The following MED1 variants were observed in gnomAD, a reference collection of about 807,000 sequenced individuals.
The protein encoded by MED1 is mediator of RNA polymerase II transcription subunit 1.
A neutral mutation model predicts 121.3 loss-of-function variants in MED1; 17 were observed. The ratio of observed to expected loss-of-function variants is 0.14; its 90% CI spans 0.10 to 0.21. The LOEUF (loss-of-function observed/expected upper bound fraction) is 0.21. Among genes scored for constraint, MED1 ranks in the 10% least tolerant of loss-of-function variants. MED1 has a pLI of 1.00. For synonymous variants in MED1, 661 were observed against 694.4 expected, an observed-to-expected ratio of 0.95 and a Z score of 0.76; for missense variants, 1,558 against 1,919.4, an observed-to-expected ratio of 0.81 and a Z score of 3.52.
chr17:39,406,082 A>G lies in MED1; in HGVS notation c.*1393T>C, dbSNP rs1392686579. 1 of 985,392 alleles carries G rather than the reference A, an allele frequency of 1.0e-6. No homozygotes were observed. Among genetic ancestry groups the G allele is most frequent in the Non-Finnish European group, 1.2e-6 (1 of 829,922 alleles). The allele number at this position is 985,392 out of a possible 1,614,324, so 61.0% of individuals were successfully genotyped here. A position where few individuals can be genotyped will look rare whatever the true frequency, so the allele number is the denominator to read the frequency against. On this transcript the variant is annotated 3_prime_UTR_variant, in exon 17 of 17. Coordinates refer to ENST00000300651, the MANE Select transcript of MED1 (RefSeq NM_004774.4). Reference sequence around the variant, plus strand: ...ACTGAGAACTTCTGTTGCACTCGAAACAGTCTCCTGGATTTCTATATTTTT... The same window carrying G: ...ACTGAGAACTTCTGTTGCACTCGAAGCAGTCTCCTGGATTTCTATATTTTT...
intron 2 of MED1, 59 bp downstream of exon 2, chr17:39,447,739 A>C: frequency 8.2e-7 from 1 of 1,222,984 alleles, no homozygotes; most frequent in Non-Finnish European, 1.2e-6. Context: ...TGGGGAGCTT[A>C]GCGTATTAAG....
At chr17:39,422,141 A>G (rs1362264398) in intron 13 of MED1, among the ~76,000 whole-genome samples, 1 of 151,548 alleles carries the variant, frequency 6.6e-6, no homozygotes, top group Non-Finnish European at 1.5e-5. Flanking sequence ...AAAAAAAAAA[A>G]AAGTCTATCA....
intron 14 of MED1, among the ~76,000 whole-genome samples, chr17:39,417,272 G>C (rs2048418766): frequency 6.6e-6 from 1 of 151,768 alleles, no homozygotes; most frequent in Non-Finnish European, 1.5e-5. Context: ...AAAGGTTGCA[G>C]TGAGTGAAGA....
intron 2 of MED1, among the ~76,000 whole-genome samples, chr17:39,444,312 T>G (rs1227663525): frequency 6.8e-6 from 1 of 147,266 alleles, no homozygotes; most frequent in African/African-American, 2.5e-5. Context: ...ACTGAGACCA[T>G]CCTGGCCAAA....
In MED1 at chr17:39,440,596, A is replaced by T; in HGVS notation, c.266+27T>A. On this transcript the variant is annotated intron_variant, in intron 4 of 16. Coordinates refer to ENST00000300651, the MANE Select transcript of MED1 (RefSeq NM_004774.4). The surrounding 1 kb of genome is among the most constrained non-coding windows in gnomAD (Gnocchi z 4.1). The stretch of plus-strand genomic sequence containing the variant: ...ACCCAAAGTTAACACTAAGTTAAAC[A>T]TTTCTGCCTACAGAAAGACTACTTA... 2 of 1,612,262 alleles carry T rather than the reference A, an allele frequency of 1.2e-6. No individual in the cohort carries two copies. The highest frequency in any genetic ancestry group is 1.7e-6 in the Non-Finnish European group (2 of 1,178,736).
chr17:39,427,133 C>T (rs189189721), intron 10 of MED1, among the ~76,000 whole-genome samples: 3 of 152,154 alleles, frequency 2.0e-5, no homozygotes, highest in East Asian at 3.9e-4. Flanking sequence ...CAGGTCAGAT[C>T]GTTTATATCT....
rs2048347113 is a variant in MED1, at chr17:39,410,549, T to G, written c.1672A>C (p.Ser558Arg). ...GTGTTGGTTGGTGTAGTGGTACCAC[T>G]CATTGGGTTGTTGCCTGTGGTCATG... ...YGMTTGNNPM[S>R]GTTTPTNTFP... Residue 558 changes from serine (S) to arginine (R), a missense_variant, in exon 17 of 17, where the codon AGT becomes CGT. Around this residue, in one of 5 missense-constraint regions of MED1, gnomAD observed 793 missense variants for 898.2 expected, o/e 0.88. Coordinates refer to ENST00000300651, the MANE Select transcript of MED1 (RefSeq NM_004774.4). The G allele has an allele frequency of 1.2e-6, 2 of 1,614,114 alleles. No homozygotes were observed. The highest frequency in any genetic ancestry group is 1.7e-6 in the Non-Finnish European group (2 of 1,180,022).
In MED1 at chr17:39,406,014, T is replaced by C; in HGVS notation, c.*1461A>G. 1.0e-6 allele frequency: 1 copy of C among 985,394 alleles called. No homozygotes were observed. The highest frequency in any genetic ancestry group is 1.2e-6 in the Non-Finnish European group (1 of 829,926). The allele number at this position is 985,394 out of a possible 1,614,324, so 61.0% of individuals were successfully genotyped here. ...AGGAATGGCACAGTGCAGGTGTCAA[T>C]ATCAAAGTAAGGCCGCAGAATTTTT... On this transcript the variant is annotated 3_prime_UTR_variant, in exon 17 of 17. Coordinates refer to ENST00000300651, the MANE Select transcript of MED1 (RefSeq NM_004774.4).
intron 16 of MED1, among the ~76,000 whole-genome samples, chr17:39,413,983 T>A (rs1489976335): frequency 6.7e-6 from 1 of 148,160 alleles, no homozygotes; most frequent in Non-Finnish European, 1.5e-5. Flanking sequence ...TCCCAGAACT[T>A]TGGGAGGCCA....
At chr17:39,418,467 AG>A (rs1023118815) in intron 14 of MED1, among the ~76,000 whole-genome samples, 4 of 151,912 alleles carry the variant, frequency 2.6e-5, no homozygotes, top group Non-Finnish European at 4.4e-5. Flanking sequence ...AAGGAGGTAG[AG>A]GCAGCAGAAA....
chr17:39,405,747 TA>T lies in MED1; in HGVS notation c.*1727del. On this transcript the variant is annotated 3_prime_UTR_variant, in exon 17 of 17. Transcript: ENST00000300651. ...CAGAGTTGTTGAGAGCTGATGACAA[TA>T]AAAAGGAGAACACTAGAGGAAATGA... The T allele has an allele frequency of 2.0e-6, 2 of 988,376 alleles. No homozygotes were observed. Among genetic ancestry groups the T allele is most frequent in the Non-Finnish European group, 2.4e-6 (2 of 831,834 alleles). 61.2% of individuals were successfully genotyped at this position (988,376 alleles called of 1,614,324 possible).
At chr17:39,427,508 TATGTGTGTATATATGC>T (rs2048525423) in intron 10 of MED1, 177 bp downstream of exon 10, 15 of 415,656 alleles carry the variant, frequency 3.6e-5, no homozygotes, top group Non-Finnish European at 3.5e-5. Flanking sequence ...TCCTATTATG[TATGTGTGTATATATGC>T]ATGTGTGTAT....
rs373490030 is a variant in MED1, at chr17:39,408,944, C to A, written c.3277G>T (p.Gly1093Cys). The A allele has an allele frequency of 8.9e-5, 143 of 1,614,048 alleles. No homozygotes were observed. The highest frequency in any genetic ancestry group is 1.2e-4 in the Non-Finnish European group (141 of 1,180,050). ...YTSSGSVSSS[G>C]SKSHHSHSSS... ...GAATGGCTATGGTGGCTTTTGCTGC[C>A]TGAGGAAGACACAGAACCACTGCTG... The change falls in exon 17 of 17, where the codon GGC (glycine) becomes TGC (cysteine). Residue 1093 changes from glycine (G) to cysteine (C), a missense_variant. Gly to Cys is a radical substitution (Grantham distance 159). This residue lies in a region of MED1 where 793 missense variants were observed against 898.2 expected (regional missense o/e 0.88). Coordinates refer to ENST00000300651, the MANE Select transcript of MED1 (RefSeq NM_004774.4). This position sits in a 1 kb window ranked among gnomAD's most constrained non-coding sequence, Gnocchi z 4.7.
intron 3 of MED1, among the ~76,000 whole-genome samples, chr17:39,443,246 C>T (rs1378733407): frequency 6.6e-6 from 1 of 151,730 alleles, no homozygotes; most frequent in Non-Finnish European, 1.5e-5. Context: ...GTGATCCGCC[C>T]ACCTCAGCCT....
At chr17:39,429,513 T>C (rs1158617739) in intron 9 of MED1, among the ~76,000 whole-genome samples, 1 of 151,100 alleles carries the variant, frequency 6.6e-6, no homozygotes, top group African/African-American at 2.4e-5. Context: ...CTGGCCAACA[T>C]GGTGAAACCC....
intron 1 of MED1, among the ~76,000 whole-genome samples, 176 bp downstream of exon 1, chr17:39,450,862 T>C (rs562132637): frequency 4.6e-5 from 7 of 152,166 alleles, no homozygotes; most frequent in Admixed American, 1.3e-4. Flanking sequence ...CGCCCTAAAG[T>C]CGAAGCTCTA....
intron 13 of MED1, among the ~76,000 whole-genome samples, chr17:39,421,156 C>G (rs1457014721): frequency 6.8e-6 from 1 of 147,854 alleles, no homozygotes; most frequent in African/African-American, 2.5e-5. Flanking sequence ...GAGGATGAGG[C>G]AGAAGAATCG....
chr17:39,431,142 C>T lies in MED1; in HGVS notation c.622G>A (p.Val208Ile), dbSNP rs1414901560. 4 of 1,613,774 alleles carry T rather than the reference C, an allele frequency of 2.5e-6. No homozygotes were observed. In the Admixed American group the frequency reaches 6.7e-5, roughly 27 times the overall value. The part of the protein sequence containing the change: ...GPLDKILHGS[V>I]GYLTPRSGGH... ...CCACTCCTTGGTGTGAGATAGCCAA[C>T]ACTTCCATGAAGAATCTTATCCAAG... Residue 208 changes from valine (V) to isoleucine (I), a missense_variant, in exon 9 of 17, where the codon GTT (valine) becomes ATT (isoleucine). Physicochemically the swap from Val to Ile is conservative, Grantham distance 29 (BLOSUM62 3). This residue lies in a region of MED1 where 443 missense variants were observed against 532.4 expected (regional missense o/e 0.83). Transcript: ENST00000300651.
rs372511666 is a variant in MED1 at position 39,449,508 on chromosome 17, T to A, written c.25+1530A>T. ...TTTTTTATTTTATTTATTTTCAATT[T>A]TTTTTCTTTTTTTTTTTTTTTGAGA... is the stretch of plus-strand genomic sequence containing the variant. On this transcript the variant is annotated intron_variant, in intron 1 of 16. Transcript: ENST00000300651. 1.1e-3 allele frequency among the ~76,000 whole-genome samples: 121 copies of A among 114,528 alleles called. 2 individuals are homozygous for A. The highest frequency in any genetic ancestry group is 3.1e-3 in the African/African-American group (118 of 37,666). 75.1% of individuals were successfully genotyped at this position (114,528 alleles called of 152,430 possible).
Sources: gnomAD v4.1 joint callset for allele counts (sites outside exome capture counted in the v4.1 genomes callset) on GRCh38, gnomAD v4.1.1 for gene constraint, gnomAD v4.1.1 regional missense constraint, Gnocchi (gnomAD v3.1) non-coding constraint, MANE v1.5 for transcripts, NCBI Gene and HGNC (gene_info 2026-07-23, HGNC 2026-07-21) for gene names.